Variants in SLCO3A1 observed in about 807,000 individuals in gnomAD.
SLCO3A1 encodes solute carrier organic anion transporter family member 3A1.
A neutral mutation model predicts 63.1 loss-of-function variants in SLCO3A1; 27 were observed. The observed-to-expected ratio is 0.43, with a 90% CI of 0.32 to 0.59. The LOEUF (loss-of-function observed/expected upper bound fraction) is 0.59. SLCO3A1 is among the 20% of genes least tolerant of loss of function. The pLI, the probability that SLCO3A1 is intolerant of heterozygous loss-of-function variation, is 0.09. For synonymous variants in SLCO3A1, 473 were observed against 409.9 expected (o/e 1.15, Z -1.86); for missense variants, 773 against 945.8 (o/e 0.82, Z 2.40).
chr15:91,957,142 T>TTATA (rs1555417761), intron 2 of SLCO3A1, among the ~76,000 whole-genome samples: 218 of 5,430 alleles, frequency 0.04, 31 homozygotes, highest in African/African-American at 0.2. Context: ...ATACTATATA[T>TTATA]TATAATATAT....
chr15:92,157,219 C>G (rs1475238860), intron 9 of SLCO3A1: 1 of 152,176 alleles, frequency 6.6e-6, no homozygotes, highest in Non-Finnish European at 1.5e-5. Context: ...CCTGCTTCAT[C>G]CACAAGTTCC....
At chr15:91,940,253 C>G (rs1899571567) in intron 2 of SLCO3A1, among the ~76,000 whole-genome samples, 1 of 152,108 alleles carries the variant, frequency 6.6e-6, no homozygotes, top group East Asian at 1.9e-4. Context: ...TGGTGCCTTC[C>G]TCGGGGTCCT....
chr15:91,881,147 A>C (rs181313745), intron 1 of SLCO3A1, among the ~76,000 whole-genome samples: 6 of 152,190 alleles, frequency 3.9e-5, no homozygotes, highest in Non-Finnish European at 8.8e-5. Flanking sequence ...AAGGAGATGT[A>C]ATACAAGCAG....
chr15:92,059,232 A>C (rs2047057359), intron 2 of SLCO3A1, among the ~76,000 whole-genome samples: 1 of 152,212 alleles, frequency 6.6e-6, no homozygotes, highest in African/African-American at 2.4e-5. Flanking sequence ...GGCCAAAGCC[A>C]GCGTGCTAGA....
At chr15:91,909,266 T>C (rs565162873) in intron 1 of SLCO3A1, among the ~76,000 whole-genome samples, 1 of 152,354 alleles carries the variant, frequency 6.6e-6, no homozygotes, top group Non-Finnish European at 1.5e-5. Flanking sequence ...ATGTGGCCTA[T>C]GGACCAAATG....
At chr15:92,003,263 A>C (rs541230117) in intron 2 of SLCO3A1, among the ~76,000 whole-genome samples, 1 of 152,328 alleles carries the variant, frequency 6.6e-6, no homozygotes, top group African/African-American at 2.4e-5. Context: ...GAGTGCACTT[A>C]TGCGTGGTAG....
chr15:91,949,178 A>G (rs1166090143), intron 2 of SLCO3A1, among the ~76,000 whole-genome samples: 1 of 152,024 alleles, frequency 6.6e-6, no homozygotes, highest in East Asian at 1.9e-4. Flanking sequence ...TCTGACACAC[A>G]CCCAAATTGG....
chr15:92,054,713 G>C (rs1290587533), intron 2 of SLCO3A1, among the ~76,000 whole-genome samples: 2 of 151,142 alleles, frequency 1.3e-5, no homozygotes, highest in Non-Finnish European at 2.9e-5. Context: ...TTGGTTTTCT[G>C]TTCCTGCATT....
chr15:92,039,827 A>G (rs927278118), intron 2 of SLCO3A1, among the ~76,000 whole-genome samples: 5 of 152,214 alleles, frequency 3.3e-5, no homozygotes, highest in African/African-American at 1.2e-4. Flanking sequence ...AATGCCCATC[A>G]TGATAGACTG....
At chr15:92,101,079 C>T (rs993820312) in intron 3 of SLCO3A1, among the ~76,000 whole-genome samples, 1 of 152,180 alleles carries the variant, frequency 6.6e-6, no homozygotes, top group African/African-American at 2.4e-5. Flanking sequence ...TCTACCACAC[C>T]GTCCTCTTCC....
At chr15:92,081,498 G>T (rs2151524102) in intron 2 of SLCO3A1, among the ~76,000 whole-genome samples, 3 of 152,200 alleles carry the variant, frequency 2.0e-5, no homozygotes, top group Middle Eastern at 6.8e-3. Flanking sequence ...AGCCTGCCTA[G>T]TAGCTGGGAT....
At chr15:92,106,239 G>A (rs2047666284) in intron 4 of SLCO3A1, among the ~76,000 whole-genome samples, 1 of 152,180 alleles carries the variant, frequency 6.6e-6, no homozygotes, top group Non-Finnish European at 1.5e-5. Flanking sequence ...GCTGTAATTT[G>A]GAATCATCCA....
At chr15:92,073,757 T>C (rs2047243558) in intron 2 of SLCO3A1, among the ~76,000 whole-genome samples, 1 of 152,254 alleles carries the variant, frequency 6.6e-6, no homozygotes, top group Non-Finnish European at 1.5e-5. Flanking sequence ...TGGCCTTTAC[T>C]CACCAGATGC....
intron 2 of SLCO3A1, among the ~76,000 whole-genome samples, chr15:92,088,753 C>T (rs1018874682): frequency 5.9e-5 from 9 of 152,214 alleles, no homozygotes; most frequent in African/African-American, 1.7e-4. Flanking sequence ...TGCCGTCTCT[C>T]TGGCTCTGCC....
At chr15:91,980,243 G>C (rs1458528914) in intron 2 of SLCO3A1, among the ~76,000 whole-genome samples, 1 of 151,958 alleles carries the variant, frequency 6.6e-6, no homozygotes, top group East Asian at 1.9e-4. Context: ...CTGCCCAAGG[G>C]ACATACATTC....
At chr15:92,053,787 A>G (rs911396796) in intron 2 of SLCO3A1, among the ~76,000 whole-genome samples, 1 of 151,336 alleles carries the variant, frequency 6.6e-6, no homozygotes, top group African/African-American at 2.4e-5. Context: ...TCATCCCATC[A>G]TATCAAGGGC....
chr15:92,170,561 A>G (rs2048515808), downstream of SLCO3A1, among the ~76,000 whole-genome samples: 1 of 152,188 alleles, frequency 6.6e-6, no homozygotes, highest in Non-Finnish European at 1.5e-5. Context: ...TCTTTCCACT[A>G]CAACACAAAG....
intron 1 of SLCO3A1, among the ~76,000 whole-genome samples, chr15:91,879,483 A>G (rs775492743): frequency 3.5e-4 from 54 of 152,152 alleles, no homozygotes; most frequent in Admixed American, 7.2e-4. Flanking sequence ...GAGTATGCTT[A>G]AGAGAATGGT....
chr15:92,001,448 A>G (rs1258284293), intron 2 of SLCO3A1, among the ~76,000 whole-genome samples: 1 of 152,148 alleles, frequency 6.6e-6, no homozygotes, highest in Non-Finnish European at 1.5e-5. Context: ...ACTGGTCTAC[A>G]GGGTTGAGCT....
Sources: gnomAD v4.1 joint callset for allele counts (sites outside exome capture counted in the v4.1 genomes callset) on GRCh38, gnomAD v4.1.1 for gene constraint, MANE v1.5 for transcripts, NCBI Gene and HGNC (gene_info 2026-07-23, HGNC 2026-07-21) for gene names.